Variants in CDKAL1 observed in about 807,000 individuals in gnomAD.
The protein encoded by CDKAL1 is threonylcarbamoyladenosine tRNA methylthiotransferase.
CDKAL1 carries 32 observed loss-of-function variants against 68.2 expected under a neutral mutation model. That is an observed-to-expected ratio of 0.47 (90% CI 0.35 to 0.63). The LOEUF is 0.63. Among genes scored for constraint, CDKAL1 ranks in the 30% least tolerant of loss-of-function variants. The probability of loss-of-function intolerance (pLI) is 0.00; values close to 1 mark genes in which losing one functional copy is unlikely to be tolerated. For missense variants in CDKAL1, 606 were observed against 696.7 expected (o/e 0.87, Z 1.47); for synonymous variants, 234 against 244.3 (o/e 0.96, Z 0.39).
intron 5 of CDKAL1, among the ~76,000 whole-genome samples, chr6:20,657,309 G>A (rs1206636225): frequency 6.6e-6 from 1 of 152,180 alleles, no homozygotes; most frequent in Non-Finnish European, 1.5e-5. Flanking sequence ...CTGATAAGAT[G>A]TTGCTTCTCC....
At chr6:21,015,574 T>C (rs1014184805) in intron 11 of CDKAL1, among the ~76,000 whole-genome samples, 54 of 152,294 alleles carry the variant, frequency 3.5e-4, no homozygotes, top group African/African-American at 1.3e-3. Flanking sequence ...TTGACTCTTA[T>C]CAACAATTCT....
chr6:20,607,314 C>T (rs1352038409), intron 4 of CDKAL1, among the ~76,000 whole-genome samples: 2 of 152,126 alleles, frequency 1.3e-5, no homozygotes, highest in Non-Finnish European at 2.9e-5. Context: ...AAAAGCCATA[C>T]GTGTTTCTAA....
At chr6:21,055,314 T>C (rs1582107435) in intron 11 of CDKAL1, among the ~76,000 whole-genome samples, 1 of 152,224 alleles carries the variant, frequency 6.6e-6, no homozygotes, top group African/African-American at 2.4e-5. Flanking sequence ...TATTGGTCTA[T>C]AGTTTAATTC....
chr6:20,871,072 G>A (rs545618520), intron 9 of CDKAL1, among the ~76,000 whole-genome samples: 13 of 152,262 alleles, frequency 8.5e-5, no homozygotes, highest in African/African-American at 2.9e-4. Flanking sequence ...GGTACTTATT[G>A]CACACAAGTA....
intron 8 of CDKAL1, among the ~76,000 whole-genome samples, chr6:20,815,960 G>A (rs1453635558): frequency 6.6e-6 from 1 of 152,152 alleles, no homozygotes; most frequent in Non-Finnish European, 1.5e-5. Context: ...AAATCAAGGT[G>A]TAGGCAGTAC....
At chr6:20,642,478 A>G (rs528307445) in intron 4 of CDKAL1, among the ~76,000 whole-genome samples, 2 of 15,362 alleles carry the variant, frequency 1.3e-4, no homozygotes, top group African/African-American at 7.5e-4. Context: ...TGAAAAACAG[A>G]AAAAAAAAAA....
At chr6:20,780,698 G>A (rs545966556) in intron 7 of CDKAL1, among the ~76,000 whole-genome samples, 2 of 136,480 alleles carry the variant, frequency 1.5e-5, no homozygotes, top group South Asian at 2.3e-4. Context: ...TTTTGAGATG[G>A]AGTCTCACTC....
intron 13 of CDKAL1, among the ~76,000 whole-genome samples, chr6:21,130,606 C>T (rs903901528): frequency 1.3e-5 from 2 of 152,188 alleles, no homozygotes; most frequent in African/African-American, 4.8e-5. Context: ...TGGAGACCCC[C>T]ATACAGATGG....
intron 4 of CDKAL1, among the ~76,000 whole-genome samples, chr6:20,648,991 T>G (rs1768619124): frequency 6.6e-6 from 1 of 152,184 alleles, no homozygotes; most frequent in Admixed American, 6.5e-5. Flanking sequence ...GAGTTAAGAT[T>G]AGGGCAAGTT....
intron 5 of CDKAL1, among the ~76,000 whole-genome samples, chr6:20,664,360 G>A (rs1304269637): frequency 1.3e-5 from 2 of 152,162 alleles, no homozygotes; most frequent in Non-Finnish European, 2.9e-5. Flanking sequence ...ATATGTTTTA[G>A]AAGTCAACAG....
Position 21,198,025 on chromosome 6 carries a change from G to A in CDKAL1, c.1304G>A (p.Gly435Asp), listed in dbSNP as rs757367503. ...TCCCTCCCCTTCTCTCCACAGATTG[G>A]TGAAAGACAACAAGTGTTAGTAACA... ...HSYSPYDHKI[G>D]ERQQVLVTEE... is the part of the protein sequence containing the mutation. Residue 435 changes from glycine to aspartate, a missense_variant, in exon 14 of 16, where the codon GGT (glycine) becomes GAT (aspartate). Gly to Asp is a moderately conservative substitution (Grantham distance 94). Transcript: ENST00000274695. 1 of 1,595,044 alleles carries A rather than the reference G, an allele frequency of 6.3e-7. No individual in the cohort carries two copies. Among genetic ancestry groups the A allele is most frequent in the Non-Finnish European group, 8.6e-7 (1 of 1,167,484 alleles).
At chr6:20,876,822 G>T (rs1036585761) in intron 9 of CDKAL1, among the ~76,000 whole-genome samples, 5 of 152,120 alleles carry the variant, frequency 3.3e-5, no homozygotes, top group African/African-American at 1.2e-4. Context: ...CTAGTTAAAA[G>T]GTTGGCTAAT....
intron 13 of CDKAL1, among the ~76,000 whole-genome samples, chr6:21,176,695 TG>T (rs71540617): frequency 0.035 from 3,877 of 110,064 alleles, 509 homozygotes; most frequent in African/African-American, 0.091. Flanking sequence ...TTTTTTTTTT[TG>T]TTTTTTTTTT....
At chr6:20,738,485 GTTTTTTTT>G (rs71712438) in intron 5 of CDKAL1, among the ~76,000 whole-genome samples, 1 of 119,648 alleles carries the variant, frequency 8.4e-6, no homozygotes, top group African/African-American at 3.2e-5. Flanking sequence ...CTACTTCTTA[GTTTTTTTT>G]TTTTTTTTTT....
chr6:20,731,968 A>G (rs1332379878), intron 5 of CDKAL1, among the ~76,000 whole-genome samples: 1 of 152,124 alleles, frequency 6.6e-6, no homozygotes, highest in African/African-American at 2.4e-5. Flanking sequence ...AAAGATTTCC[A>G]GGGAGGATGA....
intron 15 of CDKAL1, among the ~76,000 whole-genome samples, chr6:21,226,380 A>AAATT (rs1190998341): frequency 6.6e-6 from 1 of 152,100 alleles, no homozygotes; most frequent in Non-Finnish European, 1.5e-5. Flanking sequence ...ACACTTTTGA[A>AAATT]AATTAGTAGA....
chr6:21,182,646 CTG>C (rs1777836124), intron 13 of CDKAL1, among the ~76,000 whole-genome samples: 3 of 152,166 alleles, frequency 2.0e-5, no homozygotes, highest in Non-Finnish European at 2.9e-5. Context: ...TTGCAAATAA[CTG>C]TTTAATCTGT....
At chr6:20,687,334 T>C (rs995494636) in intron 5 of CDKAL1, among the ~76,000 whole-genome samples, 1 of 152,226 alleles carries the variant, frequency 6.6e-6, no homozygotes, top group African/African-American at 2.4e-5. Flanking sequence ...TTGCTAATTA[T>C]TGATTCAATT....
intron 4 of CDKAL1, among the ~76,000 whole-genome samples, chr6:20,618,341 A>C (rs1343825785): frequency 6.6e-6 from 1 of 152,038 alleles, no homozygotes; most frequent in African/African-American, 2.4e-5. Context: ...AGATTGCAAA[A>C]ATTTTCTCCC....
Sources: allele counts gnomAD v4.1 joint callset (sites outside exome capture counted in the v4.1 genomes callset), GRCh38; gene constraint gnomAD v4.1.1; transcripts MANE v1.5; gene names NCBI Gene and HGNC (gene_info 2026-07-23, HGNC 2026-07-21).